Variants in ROBO2 observed in about 807,000 individuals in gnomAD.
ROBO2 encodes the protein roundabout guidance receptor 2, also known as roundabout homolog 2.
In ROBO2, 53 loss-of-function variants were observed where a neutral mutation model predicts 160.8. The ratio of observed to expected loss-of-function variants is 0.33; its 90% CI spans 0.26 to 0.41. The LOEUF (loss-of-function observed/expected upper bound fraction) is 0.41. ROBO2 is among the 10% of genes least tolerant of loss of function. The pLI is 1.00. For synonymous variants in ROBO2, 664 were observed against 611.7 expected, an observed-to-expected ratio of 1.09 and a Z score of -1.26; for missense variants, 1,577 against 1,722.4, an observed-to-expected ratio of 0.92 and a Z score of 1.49.
chr3:76,039,062 T>A (rs547026821), intron 2 of ROBO2, among the ~76,000 whole-genome samples: 1 of 151,906 alleles, frequency 6.6e-6, no homozygotes, highest in Non-Finnish European at 1.5e-5. Flanking sequence ...TGGTAGCACA[T>A]GTAAAATTTG....
intron 5 of ROBO2, among the ~76,000 whole-genome samples, chr3:77,497,523 T>G (rs898635044): frequency 2.6e-5 from 4 of 152,120 alleles, no homozygotes; most frequent in African/African-American, 7.2e-5. Flanking sequence ...GTTCTTTAGT[T>G]TTTGTTTTAT....
At chr3:77,124,883 T>TCCCTTTCTTTCTTTTTTCC (rs2075166585) in intron 2 of ROBO2, among the ~76,000 whole-genome samples, 1 of 152,014 alleles carries the variant, frequency 6.6e-6, no homozygotes, top group Admixed American at 6.6e-5. Context: ...ATCTTTATTC[T>TCCCTTTCTTTCTTTTTTCC]CCCTTTCTTT....
At chr3:76,346,412 T>C (rs1165501194) in intron 2 of ROBO2, among the ~76,000 whole-genome samples, 1 of 152,146 alleles carries the variant, frequency 6.6e-6, no homozygotes, top group Non-Finnish European at 1.5e-5. Flanking sequence ...ATATTCCCTG[T>C]ATTCACTTTT....
chr3:76,806,191 G>T (rs1266598948), intron 2 of ROBO2, among the ~76,000 whole-genome samples: 1 of 140,618 alleles, frequency 7.1e-6, no homozygotes, highest in Non-Finnish European at 1.6e-5. Flanking sequence ...CAGTTATCAG[G>T]GTGTTTGTTT....
At chr3:76,620,605 ATT>A (rs1176505451) in intron 2 of ROBO2, among the ~76,000 whole-genome samples, 1 of 152,104 alleles carries the variant, frequency 6.6e-6, no homozygotes, top group Non-Finnish European at 1.5e-5. Flanking sequence ...TGTGTTTAAT[ATT>A]TGTCTTTTTA....
chr3:77,644,783 G>T lies in ROBO2; in HGVS notation c.4014G>T (p.Lys1338Asn), dbSNP rs1417956305. The change falls in exon 25 of 26, where the codon AAG becomes AAT. Residue 1338 changes from lysine (K) to asparagine (N), a missense_variant. Lys to Asn is a moderately conservative substitution (Grantham distance 94). Transcript: ENST00000461745. ...GCTCATCAGGAACAGCTTCTTCTAAGGGATCCACTGGACCTAGGAAAACCG... is the reference window on the plus strand; with the variant it reads ...GCTCATCAGGAACAGCTTCTTCTAATGGATCCACTGGACCTAGGAAAACCG... 23 of 1,613,856 alleles carry T rather than the reference G, an allele frequency of 1.4e-5. No homozygotes were observed. Among genetic ancestry groups the T allele is most frequent in the Non-Finnish European group, 1.6e-5 (19 of 1,179,996 alleles).
In ROBO2 at chr3:76,876,091, G is replaced by A. The variant is rs188429854; in HGVS notation, c.110-221923G>A. Among the ~76,000 whole-genome samples, 77 of 152,080 alleles carry A rather than the reference G, an allele frequency of 5.1e-4. 1 individual carries two copies. In the South Asian group the frequency reaches 0.014, roughly 28 times the overall value. On this transcript the variant is annotated intron_variant, in intron 2 of 26. Transcript: ENST00000487694. ...ATGTCAAGGTAACATAGTCACAACC[G>A]TGGGGGATTAGGCTATGGACATCTT...
chr3:76,178,392 G>C (rs770797127), intron 2 of ROBO2, among the ~76,000 whole-genome samples: 2 of 152,098 alleles, frequency 1.3e-5, no homozygotes, highest in African/African-American at 2.4e-5. Context: ...AAGGAGAGGC[G>C]ATAAGAAGAC....
chr3:77,644,775 T>G (rs200716229), exon 25 of ROBO2: 5 of 1,614,024 alleles, frequency 3.1e-6, no homozygotes, highest in Non-Finnish European at 4.2e-6. Flanking sequence ...AGGAACAGCT[T>G]CTTCTAAGGG....
chr3:76,869,744 A>G (rs1374648828), intron 2 of ROBO2, among the ~76,000 whole-genome samples: 1 of 152,174 alleles, frequency 6.6e-6, no homozygotes, highest in Non-Finnish European at 1.5e-5. Context: ...TCCTGCATTT[A>G]TATTGAAAAA....
chr3:76,828,285 A>G (rs1393793186), intron 2 of ROBO2, among the ~76,000 whole-genome samples: 1 of 152,140 alleles, frequency 6.6e-6, no homozygotes, highest in Non-Finnish European at 1.5e-5. Context: ...GTAGGTGTTC[A>G]ATAAATAATT....
At chr3:76,442,837 T>C (rs145911811) in intron 2 of ROBO2, among the ~76,000 whole-genome samples, 65 of 152,256 alleles carry the variant, frequency 4.3e-4, no homozygotes, top group Non-Finnish European at 5.6e-4. Flanking sequence ...TAATTAATAA[T>C]ACTTTACTAA....
chr3:76,161,488 T>C (rs1365107373), intron 2 of ROBO2, among the ~76,000 whole-genome samples: 1 of 152,132 alleles, frequency 6.6e-6, no homozygotes, highest in Non-Finnish European at 1.5e-5. Flanking sequence ...ATATTGAGAA[T>C]TTCAGGTTAA....
chr3:76,150,575 C>A (rs1432411763), intron 2 of ROBO2, among the ~76,000 whole-genome samples: 1 of 152,140 alleles, frequency 6.6e-6, no homozygotes, highest in Admixed American at 6.6e-5. Context: ...CACCTCAGGG[C>A]CTTTATAGTT....
chr3:76,753,500 C>T (rs529169363), intron 2 of ROBO2, among the ~76,000 whole-genome samples: 1 of 151,846 alleles, frequency 6.6e-6, no homozygotes, highest in South Asian at 2.1e-4. Context: ...TCCTTGTTAA[C>T]AGATGAATTT....
intron 2 of ROBO2, among the ~76,000 whole-genome samples, chr3:76,693,577 A>G (rs1043639634): frequency 3.9e-5 from 6 of 152,026 alleles, no homozygotes; most frequent in Non-Finnish European, 8.8e-5. Context: ...GTCCCATGAT[A>G]GGCTATCTGC....
intron 2 of ROBO2, among the ~76,000 whole-genome samples, chr3:77,218,537 T>C (rs185186409): frequency 7.2e-5 from 11 of 152,190 alleles, no homozygotes; most frequent in Admixed American, 6.5e-5. Context: ...CATGCCTGGC[T>C]AATTTTTGTA....
intron 2 of ROBO2, among the ~76,000 whole-genome samples, chr3:76,281,574 T>G (rs138551833): frequency 1.3e-5 from 2 of 152,020 alleles, no homozygotes; most frequent in African/African-American, 4.8e-5. Context: ...ATGCTTAAGG[T>G]CGTGTTAAGT....
chr3:76,501,488 TC>T (rs2080459588), intron 2 of ROBO2, among the ~76,000 whole-genome samples: 2 of 152,336 alleles, frequency 1.3e-5, no homozygotes, highest in Admixed American at 6.5e-5. Context: ...ATTAACTCAT[TC>T]TTCCACTCAG....
Sources: allele counts gnomAD v4.1 joint callset (sites outside exome capture counted in the v4.1 genomes callset), GRCh38; gene constraint gnomAD v4.1.1; transcripts MANE v1.5; gene names NCBI Gene and HGNC (gene_info 2026-07-23, HGNC 2026-07-21).